The following TRIM37 variants were observed in gnomAD, a reference collection of about 807,000 sequenced individuals.
TRIM37 encodes tripartite motif containing 37, also known as E3 ubiquitin-protein ligase TRIM37.
A neutral mutation model predicts 129.8 loss-of-function variants in TRIM37; 80 were observed. The observed-to-expected ratio is 0.62, with a 90% CI of 0.51 to 0.74. The LOEUF (loss-of-function observed/expected upper bound fraction) is 0.74. TRIM37 is among the 30% of genes least tolerant of loss of function. The pLI is 0.00. For missense variants in TRIM37, 1,054 were observed against 1,176.5 expected (o/e 0.90, Z 1.52); for synonymous variants, 389 against 387.1 (o/e 1.00, Z -0.06).
chr17:58,973,780 G>A, the TRIM37 span, among the ~76,000 whole-genome samples: 8 of 151,894 alleles, frequency 5.3e-5, no homozygotes, highest in South Asian at 2.1e-4. Flanking sequence ...ATGAATCCCC[G>A]TCTCTACTAA....
the TRIM37 span, among the ~76,000 whole-genome samples, chr17:58,968,618 T>C: frequency 6.6e-6 from 1 of 152,170 alleles, no homozygotes; most frequent in Non-Finnish European, 1.5e-5. Context: ...TCAAAAGACT[T>C]GCAAATGAAA....
intron 4 of TRIM37, among the ~76,000 whole-genome samples, chr17:59,087,350 T>G (rs1203891407): frequency 6.6e-6 from 1 of 152,020 alleles, no homozygotes; most frequent in Non-Finnish European, 1.5e-5. Flanking sequence ...CCACCTCGGC[T>G]TCCCAAAGTG....
At chr17:59,012,224 G>C (rs974410348) in intron 22 of TRIM37, 104 bp downstream of exon 22, 8 of 740,472 alleles carry the variant, frequency 1.1e-5, no homozygotes, top group Non-Finnish European at 1.9e-5. Context: ...ACCAGCAGCA[G>C]CAGCACCACC....
chr17:59,100,439 A>G (rs1256213406), intron 2 of TRIM37, among the ~76,000 whole-genome samples: 1 of 152,226 alleles, frequency 6.6e-6, no homozygotes, highest in Non-Finnish European at 1.5e-5. Context: ...ACTGATACAT[A>G]CAGTATTTTT....
downstream of TRIM37, among the ~76,000 whole-genome samples, chr17:58,997,877 G>C (rs1598787154): frequency 6.6e-6 from 1 of 152,122 alleles, no homozygotes; most frequent in East Asian, 1.9e-4. Context: ...CATCAAGGAA[G>C]AGGGAAAACA....
At chr17:59,103,807 C>G (rs1454033084) in intron 2 of TRIM37, among the ~76,000 whole-genome samples, 2 of 151,818 alleles carry the variant, frequency 1.3e-5, no homozygotes, top group Non-Finnish European at 2.9e-5. Flanking sequence ...GCCACCATGC[C>G]CAGCTAATTT....
downstream of TRIM37, among the ~76,000 whole-genome samples, chr17:58,979,554 G>A (rs6416931): frequency 0.98 from 148,885 of 152,346 alleles, 72,827 homozygotes; most frequent in East Asian, 1. Flanking sequence ...TTCAATGTGG[G>A]CTTGTTTTCA....
intron 9 of TRIM37, among the ~76,000 whole-genome samples, chr17:59,068,354 G>T (rs540754165): frequency 6.6e-6 from 1 of 152,186 alleles, no homozygotes; most frequent in East Asian, 1.9e-4. Context: ...TGGGGACATT[G>T]GCCTGGGAAT....
chr17:59,082,058 T>A (rs973210818), intron 5 of TRIM37, among the ~76,000 whole-genome samples: 4 of 149,182 alleles, frequency 2.7e-5, no homozygotes, highest in African/African-American at 9.9e-5. Flanking sequence ...TCACCTGAGG[T>A]CAGGAGTTCG....
chr17:59,042,441 AAAAAAAAAATATATATAT>A (rs1568065676), intron 16 of TRIM37, among the ~76,000 whole-genome samples: 30 of 84,466 alleles, frequency 3.6e-4, no homozygotes, highest in Non-Finnish European at 6.0e-4. Flanking sequence ...TAAAAAAAAA[AAAAAAAAAATATATATAT>A]ATATATATAT....
Position 59,106,695 on chromosome 17 carries a change from G to C in TRIM37, c.-234C>G. 3 of 597,208 alleles carry C rather than the reference G, an allele frequency of 5.0e-6. No homozygotes were observed. 37.0% of individuals were successfully genotyped at this position (597,208 alleles called of 1,614,324 possible). The stretch of plus-strand genomic sequence containing the variant: ...CCCGAGGCGCAGAAGTAGGGCGAAC[G>C]GTGGCCGCAGCTCCTTTCTCCCGGC... On this transcript the variant is annotated 5_prime_UTR_variant, in exon 1 of 24. Coordinates refer to ENST00000262294, the MANE Select transcript of TRIM37 (RefSeq NM_015294.6).
At chr17:59,047,227 A>T (rs1385535073) in intron 16 of TRIM37, among the ~76,000 whole-genome samples, 1 of 152,182 alleles carries the variant, frequency 6.6e-6, no homozygotes, top group African/African-American at 2.4e-5. Context: ...ATGCAACATG[A>T]TCCTGACAAA....
chr17:59,001,485 G>A, intron 23 of TRIM37, 113 bp downstream of exon 23: 5 of 1,219,786 alleles, frequency 4.1e-6, no homozygotes, highest in Non-Finnish European at 5.8e-6. Context: ...AGAAGCAGAA[G>A]AAGCAAAAGC....
At position 59,089,421 on chromosome 17, in the gene TRIM37, T is replaced by A. The variant is rs184951592; in HGVS notation, c.165-1014A>T. Among the ~76,000 whole-genome samples, 5 of 152,188 alleles carry A rather than the reference T, an allele frequency of 3.3e-5. No individual in the cohort carries two copies. The East Asian group carries it at 9.7e-4, about 29-fold the overall frequency. On this transcript the variant is annotated intron_variant, in intron 3 of 23. Transcript: ENST00000262294. Reference sequence around the variant, plus strand: ...AGTTTGGGAGGCCACAGCGGGTGGATCACAAGGTCAGGAGATCAAGACCAT... The same window carrying A: ...AGTTTGGGAGGCCACAGCGGGTGGAACACAAGGTCAGGAGATCAAGACCAT...
At chr17:59,000,259 T>C (rs1312864114) in intron 23 of TRIM37, among the ~76,000 whole-genome samples, 1 of 152,180 alleles carries the variant, frequency 6.6e-6, no homozygotes, top group Non-Finnish European at 1.5e-5. Flanking sequence ...TTAAATAACA[T>C]ACAAATATAT....
intron 17 of TRIM37, among the ~76,000 whole-genome samples, chr17:59,041,503 A>G (rs931284386): frequency 6.6e-6 from 1 of 152,230 alleles, no homozygotes; most frequent in Non-Finnish European, 1.5e-5. Context: ...CATTTACTAA[A>G]TTGTTAAAAG....
intron 7 of TRIM37, 135 bp downstream of exon 7, chr17:59,079,619 G>T: frequency 9.0e-7 from 1 of 1,115,730 alleles, no homozygotes; most frequent in Non-Finnish European, 1.3e-6. Flanking sequence ...ACATTTATCT[G>T]TCTAAATTGT....
intron 8 of TRIM37, among the ~76,000 whole-genome samples, chr17:59,074,351 C>T (rs967761717): frequency 1.3e-5 from 2 of 151,956 alleles, no homozygotes; most frequent in African/African-American, 2.4e-5. Context: ...TGAGTATCTG[C>T]GGATTTTGGT....
chr17:59,002,466 CT>C (rs1365405043), intron 22 of TRIM37, among the ~76,000 whole-genome samples: 18 of 152,188 alleles, frequency 1.2e-4, no homozygotes, highest in African/African-American at 4.3e-4. Flanking sequence ...TCTTGAAATC[CT>C]GGGCTTGAGA....
Sources: gnomAD v4.1 joint callset for allele counts (sites outside exome capture counted in the v4.1 genomes callset) on GRCh38, gnomAD v4.1.1 for gene constraint, MANE v1.5 for transcripts, NCBI Gene and HGNC (gene_info 2026-07-23, HGNC 2026-07-21) for gene names.